The following TNN variants were observed in gnomAD, a reference collection of about 807,000 sequenced individuals.
The protein encoded by TNN is tenascin-N.
Under a neutral mutation model 134.4 loss-of-function variants are expected in TNN, and 122 were observed. That is an observed-to-expected ratio of 0.91 (90% confidence interval 0.78 to 1.06). TNN has a LOEUF of 1.06. Among genes scored for constraint, TNN ranks in the 50% least tolerant of loss-of-function variants. The pLI is 0.00. For synonymous variants in TNN, 710 were observed against 670.3 expected (o/e 1.06, Z -0.91); for missense variants, 1,739 against 1,699.4 (o/e 1.02, Z -0.41).
At chr1:175,100,971 T>G (rs1390904870) in intron 9 of TNN, among the ~76,000 whole-genome samples, 1 of 152,208 alleles carries the variant, frequency 6.6e-6, no homozygotes, top group Non-Finnish European at 1.5e-5. Context: ...AATCAGGATA[T>G]CCATCAGCTC....
intron 8 of TNN, 100 bp from the exon 9 acceptor site, chr1:175,098,232 T>G (rs1325929758): frequency 3.2e-6 from 5 of 1,553,254 alleles, no homozygotes; most frequent in African/African-American, 1.4e-5. Context: ...CATTGCCTTG[T>G]TCTAAAAGAG....
chr1:175,108,493 C>T (rs886352951), intron 9 of TNN, among the ~76,000 whole-genome samples: 6 of 152,334 alleles, frequency 3.9e-5, no homozygotes, highest in East Asian at 1.9e-4. Flanking sequence ...TGGGACTGGG[C>T]GCCGTGGAGC....
In TNN at chr1:175,128,687, G is replaced by C; in HGVS notation, c.3271G>C (p.Asp1091His). 6.2e-7 allele frequency: 1 copy of C among 1,614,048 alleles called. No homozygotes were observed. The highest frequency in any genetic ancestry group is 8.5e-7 in the Non-Finnish European group (1 of 1,179,962). ...SGLYTIYLHG[D>H]ASRPLQVYCD... ...TCTGTACACCATCTACCTGCATGGCGATGCCAGCCGGCCCCTGCAGGTGTA... is the reference window on the plus strand; with the variant it reads ...TCTGTACACCATCTACCTGCATGGCCATGCCAGCCGGCCCCTGCAGGTGTA... The change falls in exon 15 of 19, where the codon GAT (aspartate) becomes CAT (histidine). Residue 1091 changes from aspartate to histidine, a missense_variant. Asp to His is a moderately conservative substitution (Grantham distance 81, BLOSUM62 -1). Coordinates refer to ENST00000239462, the MANE Select transcript of TNN (RefSeq NM_022093.2).
chr1:175,082,983 GTT>G (rs201289158), intron 4 of TNN, among the ~76,000 whole-genome samples: 1 of 144,722 alleles, frequency 6.9e-6, no homozygotes, highest in African/African-American at 2.5e-5. Context: ...GTAACTTCAT[GTT>G]TTTTTTTTTT....
At chr1:175,087,665 C>A (rs548969324) in intron 6 of TNN, among the ~76,000 whole-genome samples, 2 of 152,308 alleles carry the variant, frequency 1.3e-5, no homozygotes, top group South Asian at 4.1e-4. Flanking sequence ...AGTTTTCCAT[C>A]GGACACAAAC....
chr1:175,083,477 T>C (rs1674246810), intron 4 of TNN, among the ~76,000 whole-genome samples: 1 of 152,144 alleles, frequency 6.6e-6, no homozygotes, highest in Admixed American at 6.5e-5. Context: ...TTGGCCAAAG[T>C]CAGTGTGGAC....
chr1:175,135,158 T>A (rs1372726323), intron 15 of TNN, among the ~76,000 whole-genome samples: 1 of 152,200 alleles, frequency 6.6e-6, no homozygotes, highest in Non-Finnish European at 1.5e-5. Flanking sequence ...TGTTTTATGC[T>A]CTTACAGTTC....
chr1:175,080,738 C>A (rs1674180014), intron 4 of TNN, among the ~76,000 whole-genome samples: 1 of 152,092 alleles, frequency 6.6e-6, no homozygotes, highest in East Asian at 1.9e-4. Context: ...TACTGAACCC[C>A]CAAAGCCATT....
At chr1:175,101,534 GC>G (rs1298549099) in intron 9 of TNN, among the ~76,000 whole-genome samples, 1 of 149,412 alleles carries the variant, frequency 6.7e-6, no homozygotes, top group African/African-American at 2.4e-5. Context: ...GTCTTTTCTG[GC>G]CCCACCCACA....
At chr1:175,094,340 A>C (rs912905851) in intron 7 of TNN, 87 bp downstream of exon 7, 1 of 1,351,366 alleles carries the variant, frequency 7.4e-7, no homozygotes, top group Admixed American at 2.7e-5. Flanking sequence ...CTCACCTGGC[A>C]TCAGCTCTTT....
rs141893855 is a variant in TNN, at chr1:175,097,512, G to A, written c.1684G>A (p.Val562Met). The change falls in exon 8 of 19, where the codon GTG becomes ATG. Residue 562 changes from valine (V) to methionine (M), a missense_variant. By Grantham distance (21) the Val-to-Met change is conservative. Transcript: ENST00000239462. The part of the protein sequence containing the change: ...DPVQATIDKY[V>M]VRYTSADDQE... ...GGTACAGGCCACCATTGACAAGTAC[G>A]TGGTGCGCTACACCTCTGCTGACGA... 48 of 1,614,198 alleles carry A rather than the reference G, an allele frequency of 3.0e-5. No homozygotes were observed. Among genetic ancestry groups the A allele is most frequent in the African/African-American group, 1.7e-4 (13 of 75,042 alleles).
intron 17 of TNN, among the ~76,000 whole-genome samples, chr1:175,141,004 C>T (rs779427141): frequency 5.3e-5 from 8 of 152,160 alleles, no homozygotes; most frequent in Admixed American, 1.3e-4. Context: ...TTCATTTTAG[C>T]TCTGATTAGA....
intron 17 of TNN, among the ~76,000 whole-genome samples, chr1:175,144,048 T>G (rs10753090): frequency 0.98 from 148,299 of 152,098 alleles, 72,309 homozygotes; most frequent in East Asian, 0.99. Flanking sequence ...GCAGAGTGGG[T>G]AGAGTGGAGA....
chr1:175,137,049 T>C, intron 17 of TNN, 61 bp downstream of exon 17: 1 of 1,559,482 alleles, frequency 6.4e-7, no homozygotes, highest in Non-Finnish European at 8.8e-7. Context: ...AAGGATTGGT[T>C]TGCCGTGTGC....
chr1:175,089,590 C>T (rs1201018981), intron 6 of TNN, among the ~76,000 whole-genome samples: 5 of 152,228 alleles, frequency 3.3e-5, no homozygotes, highest in Non-Finnish European at 7.3e-5. Context: ...CTTTTGTCCT[C>T]TATCTATAAA....
chr1:175,111,240 C>T (rs1467066223), intron 9 of TNN, among the ~76,000 whole-genome samples: 1 of 152,082 alleles, frequency 6.6e-6, no homozygotes. Context: ...ATCGCTTGAA[C>T]CTGGGAGGCA....
chr1:175,087,316 G>A (rs1199589436), intron 6 of TNN, among the ~76,000 whole-genome samples: 1 of 152,220 alleles, frequency 6.6e-6, no homozygotes, highest in East Asian at 1.9e-4. Context: ...AGAGAAAGGA[G>A]CAGGTAGCGG....
At chr1:175,136,299 C>A (rs1173040750) in intron 16 of TNN, among the ~76,000 whole-genome samples, 1 of 152,146 alleles carries the variant, frequency 6.6e-6, no homozygotes, top group Non-Finnish European at 1.5e-5. Context: ...GTTCGTGATG[C>A]CAGGCATTAT....
intron 1 of TNN, among the ~76,000 whole-genome samples, chr1:175,072,385 C>T (rs905919235): frequency 1.3e-5 from 2 of 152,230 alleles, no homozygotes; most frequent in Non-Finnish European, 2.9e-5. Flanking sequence ...ATGCCCTTCG[C>T]TTCATGCATC....
Sources: allele counts gnomAD v4.1 joint callset (sites outside exome capture counted in the v4.1 genomes callset), GRCh38; gene constraint gnomAD v4.1.1; transcripts MANE v1.5; gene names NCBI Gene and HGNC (gene_info 2026-07-23, HGNC 2026-07-21).